DDX59: variants seen among roughly 807,000 people sequenced by gnomAD.
The protein encoded by DDX59 is DEAD-box helicase 59, also known as probable ATP-dependent RNA helicase DDX59.
DDX59 carries 30 observed loss-of-function variants against 51.9 expected under a neutral mutation model. The ratio of observed to expected loss-of-function variants is 0.58; its 90% CI spans 0.43 to 0.78. The LOEUF is 0.78. DDX59 is among the 30% of genes least tolerant of loss of function. DDX59 has a pLI of 0.00. For missense variants in DDX59, 672 were observed against 730.8 expected (o/e 0.92, Z 0.93); for synonymous variants, 255 against 253.3 (o/e 1.01, Z -0.06).
rs1662552826 is a variant in DDX59, at chr1:200,664,038, T to C, written c.853A>G (p.Ile285Val). The change falls in exon 3 of 8, where the codon ATT becomes GTT. Residue 285 changes from isoleucine to valine, a missense_variant. Ile to Val is a conservative substitution (Grantham distance 29). Coordinates refer to ENST00000331314, the MANE Select transcript of DDX59 (RefSeq NM_001031725.6). ...TCTTTAGCTTGTCTCTCTATCTGAA[T>C]GGCTAACTCTCTGGTTGGTGTAAGA... The part of the protein sequence containing the change: ...LILTPTRELA[I>V]QIERQAKELM... The C allele has an allele frequency of 3.7e-6, 6 of 1,614,228 alleles. No individual in the cohort carries two copies. The highest frequency in any genetic ancestry group is 5.1e-6 in the Non-Finnish European group (6 of 1,180,034).
chr1:200,648,295 C>T lies in DDX59; in HGVS notation c.1596+144G>A, dbSNP rs1337981773. On this transcript the variant is annotated intron_variant, in intron 7 of 7. Coordinates refer to ENST00000331314, the MANE Select transcript of DDX59 (RefSeq NM_001031725.6). ...CCATCCATTTCGAGTGATCTGCCCG[C>T]GATGGCCTTCCAAAGTGCTGGGATT... 3.3e-5 allele frequency: 36 copies of T among 1,103,648 alleles called. No individual in the cohort carries two copies. The East Asian group carries it at 9.0e-4, about 28-fold the overall frequency. The allele number at this position is 1,103,648 out of a possible 1,614,324, so 68.4% of individuals were successfully genotyped here.
chr1:200,648,486 C>A lies in DDX59; in HGVS notation c.1549G>T (p.Val517Phe), dbSNP rs1465808055. 1.2e-6 allele frequency: 2 copies of A among 1,614,180 alleles called. No homozygotes were observed. Among genetic ancestry groups the A allele is most frequent in the Admixed American group, 3.3e-5 (2 of 60,030 alleles). Residue 517 changes from valine to phenylalanine, a missense_variant, in exon 7 of 8, where the codon GTT becomes TTT. Val to Phe is a conservative substitution (Grantham distance 50). Transcript: ENST00000331314. ...CTTGAAGGCATATCAAAATTGACAA[C>A]CAGCCTGACACTGATCAAGTCTAGG... ...RGLDLISVRL[V>F]VNFDMPSSMD...
intron 5 of DDX59, among the ~76,000 whole-genome samples, chr1:200,649,943 C>T (rs1326299888): frequency 1.3e-5 from 2 of 151,386 alleles, no homozygotes; most frequent in African/African-American, 2.4e-5. Context: ...CCCAGATTCA[C>T]ACCATTCTCC....
At chr1:200,653,260 C>G (rs776530712) in intron 4 of DDX59, among the ~76,000 whole-genome samples, 1 of 152,222 alleles carries the variant, frequency 6.6e-6, no homozygotes, top group Non-Finnish European at 1.5e-5. Context: ...TTGGTTCCAA[C>G]AGGCCCCTCA....
intron 1 of DDX59, among the ~76,000 whole-genome samples, chr1:200,667,818 T>TAC (rs200004006): frequency 1.7e-4 from 26 of 151,142 alleles, no homozygotes; most frequent in African/African-American, 6.3e-4. Flanking sequence ...TATATATATA[T>TAC]ACAGATATTT....
chr1:200,659,833 A>G (rs75948270), intron 3 of DDX59, among the ~76,000 whole-genome samples: 7,789 of 152,076 alleles, frequency 0.051, 271 homozygotes, highest in African/African-American at 0.096. Flanking sequence ...GATTACAGGC[A>G]TGCCACCACA....
intron 7 of DDX59, among the ~76,000 whole-genome samples, chr1:200,646,708 C>CT (rs1661316850): frequency 6.6e-6 from 1 of 152,126 alleles, no homozygotes; most frequent in Admixed American, 6.5e-5. Context: ...CCTCAAAATG[C>CT]TAAACACAGA....
intron 1 of DDX59, 52 bp downstream of exon 1, chr1:200,669,715 G>A (rs996703220): frequency 7.2e-5 from 11 of 152,520 alleles, no homozygotes; most frequent in African/African-American, 2.4e-4. Context: ...CCCAGGTCCC[G>A]GAGAAGGGGC....
downstream of DDX59, among the ~76,000 whole-genome samples, chr1:200,641,962 T>C (rs771919372): frequency 1.3e-5 from 2 of 152,068 alleles, no homozygotes; most frequent in Non-Finnish European, 2.9e-5. Flanking sequence ...AAGATAACGC[T>C]GCTGCACTCC....
intron 3 of DDX59, among the ~76,000 whole-genome samples, chr1:200,660,609 G>A (rs1361785230): frequency 3.3e-5 from 5 of 152,182 alleles, no homozygotes; most frequent in East Asian, 1.9e-4. Flanking sequence ...AAATGAAAAT[G>A]AGTGGCAGGT....
downstream of DDX59, among the ~76,000 whole-genome samples, chr1:200,643,394 A>G (rs1330110337): frequency 6.6e-6 from 1 of 152,224 alleles, no homozygotes; most frequent in African/African-American, 2.4e-5. Context: ...CTGTAATCCC[A>G]GCACTTTAGG....
chr1:200,665,956 A>G lies in DDX59; in HGVS notation c.785T>C (p.Ile262Thr), dbSNP rs763487835. ...ACTTACCTCGAATAAAGCTCGCATGATAACAGGAAGAAGAAAAGCAGCTGT... is the reference window on the plus strand; with the variant it reads ...ACTTACCTCGAATAAAGCTCGCATGGTAACAGGAAGAAGAAAAGCAGCTGT... ...GKTAAFLLPV[I>T]MRALFESKTP... is the part of the protein sequence containing the mutation. Residue 262 changes from isoleucine (I) to threonine (T), a missense_variant, in exon 2 of 8, where the codon ATC becomes ACC. Transcript: ENST00000331314. 3.7e-6 allele frequency: 6 copies of G among 1,609,306 alleles called. No homozygotes were observed. Among genetic ancestry groups the G allele is most frequent in the Non-Finnish European group, 5.1e-6 (6 of 1,177,588 alleles).
At chr1:200,648,325 G>A (rs1327627923) in intron 7 of DDX59, 114 bp downstream of exon 7, 4 of 1,400,788 alleles carry the variant, frequency 2.9e-6, no homozygotes, top group Middle Eastern at 3.8e-4. Flanking sequence ...GGGATTACAG[G>A]TGTGAGCCAC....
At chr1:200,651,557 T>C (rs1251454467) in intron 4 of DDX59, among the ~76,000 whole-genome samples, 1 of 152,146 alleles carries the variant, frequency 6.6e-6, no homozygotes, top group African/African-American at 2.4e-5. Context: ...CTTCAAGAAC[T>C]GTGGGAAAAA....
At chr1:200,664,184 A>G (rs1662564211) in intron 2 of DDX59, 98 bp from the exon 3 acceptor site, 1 of 1,363,424 alleles carries the variant, frequency 7.3e-7, no homozygotes, top group South Asian at 1.5e-5. Context: ...TGGCCCCTTT[A>G]AAGTGTTCCC....
chr1:200,649,628 C>CAAAAAAAA (rs60657099), intron 5 of DDX59, among the ~76,000 whole-genome samples: 1 of 120,532 alleles, frequency 8.3e-6, no homozygotes, highest in African/African-American at 3.2e-5. Context: ...GATTCCGTCA[C>CAAAAAAAA]AAAAAAAAAA....
In DDX59 at chr1:200,667,238, T is replaced by C. The variant is rs188518278; in HGVS notation, c.-11-487A>G. 5.3e-3 allele frequency among the ~76,000 whole-genome samples: 809 copies of C among 151,392 alleles called. 11 individuals are homozygous for C. Among genetic ancestry groups the C allele is most frequent in the Middle Eastern group, 0.01 (3 of 288 alleles). On this transcript the variant is annotated intron_variant, in intron 1 of 7. Coordinates refer to ENST00000331314, the MANE Select transcript of DDX59 (RefSeq NM_001031725.6). ...GCCAATATGGTGAAACCCCCGTCTCTACTAATACAAAAATTAGCTGGGCAT... is the reference window on the plus strand; with the variant it reads ...GCCAATATGGTGAAACCCCCGTCTCCACTAATACAAAAATTAGCTGGGCAT...
At chr1:200,645,652 G>A (rs914646570) in intron 7 of DDX59, among the ~76,000 whole-genome samples, 3 of 152,116 alleles carry the variant, frequency 2.0e-5, no homozygotes, top group Non-Finnish European at 4.4e-5. Flanking sequence ...AATAGATAAT[G>A]AAAATATACT....
At chr1:200,642,509 G>A (rs1161609908), downstream of DDX59, among the ~76,000 whole-genome samples, 1 of 152,110 alleles carries the variant, frequency 6.6e-6, no homozygotes, top group African/African-American at 2.4e-5. Context: ...TAATGTTCTG[G>A]TCTCTAAAAT....
Sources: gnomAD v4.1 joint callset for allele counts (sites outside exome capture counted in the v4.1 genomes callset) on GRCh38, gnomAD v4.1.1 for gene constraint, MANE v1.5 for transcripts, NCBI Gene and HGNC (gene_info 2026-07-23, HGNC 2026-07-21) for gene names.